NSMCE2: variants seen among roughly 807,000 people sequenced by gnomAD.
NSMCE2 encodes the protein E3 SUMO-protein ligase NSE2.
A neutral mutation model predicts 23.8 loss-of-function variants in NSMCE2; 24 were observed. The ratio of observed to expected loss-of-function variants is 1.01; its 90% confidence interval spans 0.73 to 1.42. The LOEUF is 1.42. Ranked by LOEUF, NSMCE2 falls within the 40% of genes most tolerant of loss-of-function variation. The probability of loss-of-function intolerance (pLI) is 0.00; values close to 1 mark genes in which losing one functional copy is unlikely to be tolerated. For missense variants in NSMCE2, 284 were observed against 296.5 expected (o/e 0.96, Z 0.31); for synonymous variants, 92 against 94.1 (o/e 0.98, Z 0.13).
At chr8:125,266,169 G>A (rs1486805082) in intron 5 of NSMCE2, among the ~76,000 whole-genome samples, 1 of 144,954 alleles carries the variant, frequency 6.9e-6, no homozygotes, top group Non-Finnish European at 1.5e-5. Context: ...TCCGCTCACC[G>A]CAACCTCCGC....
At chr8:125,227,740 A>T (rs772747382) in intron 5 of NSMCE2, among the ~76,000 whole-genome samples, 5 of 152,216 alleles carry the variant, frequency 3.3e-5, no homozygotes, top group Admixed American at 6.5e-5. Context: ...TTCAGGTAAT[A>T]TAGAGGGCAA....
intron 5 of NSMCE2, among the ~76,000 whole-genome samples, chr8:125,195,285 G>A (rs976120465): frequency 3.3e-5 from 5 of 152,022 alleles, no homozygotes; most frequent in African/African-American, 1.2e-4. Context: ...AAGTCCACAG[G>A]CATTTTTTTT....
intron 5 of NSMCE2, chr8:125,351,288 C>T (rs1331353800): frequency 3.3e-5 from 5 of 151,996 alleles, no homozygotes; most frequent in Admixed American, 3.3e-4. Flanking sequence ...ATTTGTAGAC[C>T]TTTGGAAATA....
At chr8:125,190,993 C>T (rs1156384084) in intron 5 of NSMCE2, among the ~76,000 whole-genome samples, 4 of 152,140 alleles carry the variant, frequency 2.6e-5, no homozygotes, top group Admixed American at 1.3e-4. Flanking sequence ...GCCTCAGCCT[C>T]CCGAGTAGCT....
intron 3 of NSMCE2, among the ~76,000 whole-genome samples, chr8:125,137,829 A>G (rs188987302): frequency 1.6e-4 from 24 of 152,294 alleles, no homozygotes; most frequent in Admixed American, 1.1e-3. Flanking sequence ...ATTTTCTTTC[A>G]TAAGATGGTA....
At chr8:125,262,284 G>C (rs2131053001) in intron 5 of NSMCE2, among the ~76,000 whole-genome samples, 1 of 152,064 alleles carries the variant, frequency 6.6e-6, no homozygotes, top group East Asian at 1.9e-4. Flanking sequence ...AATTAGCCGG[G>C]CGTGGTGGCA....
At chr8:125,299,804 CTTTTTTTTTTTTTTTTTT>C (rs58789139) in intron 5 of NSMCE2, among the ~76,000 whole-genome samples, 2 of 70,242 alleles carry the variant, frequency 2.8e-5, no homozygotes, top group African/African-American at 1.1e-4. Flanking sequence ...TTTTGGCTTT[CTTTTTTTTTTTTTTTTTT>C]TTTTTTTTTG....
At chr8:125,154,630 TG>T (rs1461144812) in intron 4 of NSMCE2, among the ~76,000 whole-genome samples, 1 of 152,124 alleles carries the variant, frequency 6.6e-6, no homozygotes, top group East Asian at 1.9e-4. Flanking sequence ...TCAGGTTAAA[TG>T]GGTTTTATAC....
intron 5 of NSMCE2, among the ~76,000 whole-genome samples, chr8:125,318,487 G>A (rs1829297502): frequency 2.0e-5 from 3 of 152,126 alleles, no homozygotes; most frequent in African/African-American, 7.2e-5. Context: ...ATCTATATAT[G>A]GGGAAGTAGC....
intron 5 of NSMCE2, among the ~76,000 whole-genome samples, chr8:125,257,620 G>A (rs997550544): frequency 1.5e-5 from 2 of 134,844 alleles, no homozygotes; most frequent in African/African-American, 2.8e-5. Flanking sequence ...TGCAAGCTCC[G>A]CCTCCCGGGT....
At chr8:125,327,605 G>T (rs942370402) in intron 5 of NSMCE2, among the ~76,000 whole-genome samples, 1 of 151,968 alleles carries the variant, frequency 6.6e-6, no homozygotes, top group Non-Finnish European at 1.5e-5. Flanking sequence ...CAAGAGAGAG[G>T]GTAGGTACAG....
At chr8:125,172,282 C>A (rs1008228967) in intron 4 of NSMCE2, among the ~76,000 whole-genome samples, 5 of 152,150 alleles carry the variant, frequency 3.3e-5, no homozygotes, top group Non-Finnish European at 7.4e-5. Flanking sequence ...TGTATTCTTG[C>A]TGCAGGGAAA....
chr8:125,158,779 A>G (rs1024085381), intron 4 of NSMCE2, among the ~76,000 whole-genome samples: 1 of 152,180 alleles, frequency 6.6e-6, no homozygotes, highest in Admixed American at 6.5e-5. Context: ...GCCTTTCCCC[A>G]CTAATTGGCA....
intron 5 of NSMCE2, among the ~76,000 whole-genome samples, chr8:125,344,673 G>A (rs1481684484): frequency 6.6e-6 from 1 of 150,864 alleles, no homozygotes; most frequent in Non-Finnish European, 1.5e-5. Context: ...AACCCAGGAG[G>A]CAGAGGCTAT....
intron 5 of NSMCE2, among the ~76,000 whole-genome samples, chr8:125,236,868 G>A (rs1825580428): frequency 6.7e-6 from 1 of 150,274 alleles, no homozygotes. Flanking sequence ...AAAGGAACAA[G>A]ACCTGTCACG....
chr8:125,299,200 A>T (rs1218161443), intron 5 of NSMCE2, among the ~76,000 whole-genome samples: 1 of 152,214 alleles, frequency 6.6e-6, no homozygotes, highest in Non-Finnish European at 1.5e-5. Context: ...GAGGTTATCA[A>T]TAGTCTAGTT....
chr8:125,177,296 C>T (rs1232577338), intron 4 of NSMCE2, among the ~76,000 whole-genome samples: 1 of 152,148 alleles, frequency 6.6e-6, no homozygotes, highest in Non-Finnish European at 1.5e-5. Flanking sequence ...AATTTCAACC[C>T]AGAGTGGATT....
intron 5 of NSMCE2, among the ~76,000 whole-genome samples, chr8:125,328,545 G>T (rs535670297): frequency 6.6e-6 from 1 of 152,176 alleles, no homozygotes; most frequent in Non-Finnish European, 1.5e-5. Flanking sequence ...TTCAGAATTC[G>T]CTGCCAAGCC....
intron 7 of NSMCE2, among the ~76,000 whole-genome samples, chr8:125,358,624 G>A (rs977436454): frequency 9.9e-5 from 15 of 152,140 alleles, no homozygotes; most frequent in Middle Eastern, 3.4e-3. Flanking sequence ...CATTGACTTC[G>A]TTTGGCATTT....
Sources: gnomAD v4.1 joint callset for allele counts (sites outside exome capture counted in the v4.1 genomes callset) on GRCh38, gnomAD v4.1.1 for gene constraint, MANE v1.5 for transcripts, NCBI Gene and HGNC (gene_info 2026-07-23, HGNC 2026-07-21) for gene names.